HS6ST3: variants seen among roughly 807,000 people sequenced by gnomAD.
The protein encoded by HS6ST3 is heparan-sulfate 6-O-sulfotransferase 3.
Under a neutral mutation model 36.7 loss-of-function variants are expected in HS6ST3, and 12 were observed. That is an observed-to-expected ratio of 0.33 (90% CI 0.21 to 0.53). The LOEUF is 0.53. Ranked by LOEUF, HS6ST3 falls within the 20% of genes least tolerant of loss-of-function variation. The pLI is 0.95. For synonymous variants in HS6ST3, 240 were observed against 257.5 expected (o/e 0.93, Z 0.65); for missense variants, 584 against 640.9 (o/e 0.91, Z 0.96).
intron 1 of HS6ST3, among the ~76,000 whole-genome samples, chr13:96,356,614 T>C (rs2055211605): frequency 6.6e-6 from 1 of 152,198 alleles, no homozygotes; most frequent in South Asian, 2.1e-4. Flanking sequence ...AGGCTTAAAA[T>C]AATGAGTAAA....
At chr13:96,193,547 A>C (rs2054298823) in intron 1 of HS6ST3, among the ~76,000 whole-genome samples, 1 of 152,192 alleles carries the variant, frequency 6.6e-6, no homozygotes, top group Non-Finnish European at 1.5e-5. Context: ...CGATCAATTT[A>C]AACAGGTCAG....
intron 1 of HS6ST3, among the ~76,000 whole-genome samples, chr13:96,616,770 A>G (rs903974113): frequency 9.9e-5 from 15 of 152,216 alleles, no homozygotes; most frequent in African/African-American, 3.6e-4. Context: ...CTTCAGGTAA[A>G]GTAGACAAAG....
At chr13:96,654,219 C>G (rs950714027) in intron 1 of HS6ST3, among the ~76,000 whole-genome samples, 4 of 152,098 alleles carry the variant, frequency 2.6e-5, no homozygotes, top group Admixed American at 1.3e-4. Flanking sequence ...TTAATTAGAT[C>G]CCATTTGTCA....
At chr13:96,557,491 C>T (rs981353072) in intron 1 of HS6ST3, among the ~76,000 whole-genome samples, 1 of 152,312 alleles carries the variant, frequency 6.6e-6, no homozygotes, top group African/African-American at 2.4e-5. Flanking sequence ...CCTGATCTTT[C>T]AATGAAAGGA....
chr13:96,314,295 C>T (rs527959222), intron 1 of HS6ST3, among the ~76,000 whole-genome samples: 14 of 152,246 alleles, frequency 9.2e-5, no homozygotes, highest in African/African-American at 3.1e-4. Context: ...GATATGAAAT[C>T]CATTATCTTA....
intron 1 of HS6ST3, among the ~76,000 whole-genome samples, chr13:96,686,563 C>T (rs1426518891): frequency 6.6e-6 from 1 of 151,872 alleles, no homozygotes; most frequent in East Asian, 1.9e-4. Flanking sequence ...TCTACTATTT[C>T]TATTACTGAG....
chr13:96,129,061 C>T (rs1053279849), intron 1 of HS6ST3, among the ~76,000 whole-genome samples: 1 of 152,080 alleles, frequency 6.6e-6, no homozygotes, highest in South Asian at 2.1e-4. Context: ...TGGCCAGCCT[C>T]ATCTCCAACT....
intron 1 of HS6ST3, among the ~76,000 whole-genome samples, chr13:96,758,375 T>TTAATTA (rs1309704037): frequency 7.2e-5 from 11 of 151,942 alleles, no homozygotes; most frequent in Admixed American, 2.6e-4. Flanking sequence ...AACCAAATTT[T>TTAATTA]AGCTTACTTA....
rs1227771737 is a variant in HS6ST3 at position 96,641,944 on chromosome 13, T to C, written c.708-190546T>C. On this transcript the variant is annotated intron_variant, in intron 1 of 1. Coordinates refer to ENST00000376705, the MANE Select transcript of HS6ST3 (RefSeq NM_153456.4). The stretch of plus-strand genomic sequence containing the variant: ...AGCAACAAACAAAAAACATTTATAA[T>C]ATCTTTTTTTAAATGTACCTATGTG... Among the ~76,000 whole-genome samples, 5 of 151,798 alleles carry C rather than the reference T, an allele frequency of 3.3e-5. No homozygotes were observed. In the East Asian group the frequency reaches 9.7e-4, roughly 29 times the overall value.
chr13:96,562,356 G>A (rs2056265463), intron 1 of HS6ST3, among the ~76,000 whole-genome samples: 1 of 152,050 alleles, frequency 6.6e-6, no homozygotes, highest in Non-Finnish European at 1.5e-5. Context: ...GGCAACAATA[G>A]ACACTAGAGA....
chr13:96,600,350 A>ACACG (rs1452620747), intron 1 of HS6ST3, among the ~76,000 whole-genome samples: 1 of 151,544 alleles, frequency 6.6e-6, no homozygotes, highest in African/African-American at 2.4e-5. Flanking sequence ...ACACACACAC[A>ACACG]CACACACACA....
At chr13:96,362,502 C>G (rs1440851279) in intron 1 of HS6ST3, among the ~76,000 whole-genome samples, 1 of 152,152 alleles carries the variant, frequency 6.6e-6, no homozygotes, top group Non-Finnish European at 1.5e-5. Context: ...CAATAGGAAG[C>G]TCTCCTTTAC....
intron 1 of HS6ST3, among the ~76,000 whole-genome samples, chr13:96,450,539 A>G (rs1433839764): frequency 1.3e-5 from 2 of 152,030 alleles, no homozygotes; most frequent in Admixed American, 6.6e-5. Flanking sequence ...ACTATTGAGT[A>G]TTTTTTCCAT....
chr13:96,761,855 T>A (rs1876978611), intron 1 of HS6ST3, among the ~76,000 whole-genome samples: 1 of 152,154 alleles, frequency 6.6e-6, no homozygotes, highest in Non-Finnish European at 1.5e-5. Context: ...TATTCTGACC[T>A]TGAGAGGAAA....
At chr13:96,708,513 A>G (rs987093060) in intron 1 of HS6ST3, among the ~76,000 whole-genome samples, 9 of 152,048 alleles carry the variant, frequency 5.9e-5, no homozygotes, top group Non-Finnish European at 1.2e-4. Flanking sequence ...CACATCCTAC[A>G]CTTATTTTCT....
intron 1 of HS6ST3, among the ~76,000 whole-genome samples, chr13:96,781,700 C>T (rs988813595): frequency 6.6e-6 from 1 of 152,178 alleles, no homozygotes; most frequent in African/African-American, 2.4e-5. Context: ...CAATTCAAAA[C>T]AACTTATGTT....
chr13:96,151,945 C>T (rs948434949), intron 1 of HS6ST3, among the ~76,000 whole-genome samples: 1 of 152,170 alleles, frequency 6.6e-6, no homozygotes, highest in Non-Finnish European at 1.5e-5. Context: ...TATAACCTTG[C>T]TTTAACTAAT....
intron 1 of HS6ST3, among the ~76,000 whole-genome samples, chr13:96,442,380 A>G (rs1408755227): frequency 1.3e-5 from 2 of 152,152 alleles, no homozygotes; most frequent in Non-Finnish European, 2.9e-5. Flanking sequence ...ATTAACTAAG[A>G]GAAAAAAAAA....
At chr13:96,392,106 C>G (rs1386082223) in intron 1 of HS6ST3, among the ~76,000 whole-genome samples, 1 of 152,142 alleles carries the variant, frequency 6.6e-6, no homozygotes, top group Non-Finnish European at 1.5e-5. Context: ...TCTCCATGCC[C>G]TTTCTGACAT....
Sources: allele counts gnomAD v4.1 joint callset (sites outside exome capture counted in the v4.1 genomes callset), GRCh38; gene constraint gnomAD v4.1.1; transcripts MANE v1.5; gene names NCBI Gene and HGNC (gene_info 2026-07-23, HGNC 2026-07-21).